The following CHD9 variants were observed in gnomAD, a reference collection of about 807,000 sequenced individuals.
CHD9 encodes ATP-dependent chromatin remodeler CHD9.
A neutral mutation model predicts 316.1 loss-of-function variants in CHD9; 77 were observed. The observed-to-expected ratio is 0.24, with a 90% CI of 0.20 to 0.29. The LOEUF is 0.29. CHD9 is among the 10% of genes least tolerant of loss of function. CHD9 has a pLI of 1.00. For missense variants in CHD9, 2,763 were observed against 3,438.1 expected, an observed-to-expected ratio of 0.80 and a Z score of 4.91; for synonymous variants, 1,129 against 1,158.3, an observed-to-expected ratio of 0.97 and a Z score of 0.51.
At chr16:53,067,927 C>T (rs909227532) in intron 1 of CHD9, among the ~76,000 whole-genome samples, 1 of 151,940 alleles carries the variant, frequency 6.6e-6, no homozygotes, top group African/African-American at 2.4e-5. Flanking sequence ...GGCATGGTGG[C>T]ATGTGCCTGT....
chr16:53,169,882 C>G (rs1399159975), intron 2 of CHD9, among the ~76,000 whole-genome samples: 1 of 152,128 alleles, frequency 6.6e-6, no homozygotes, highest in Admixed American at 6.5e-5. Flanking sequence ...AAGGGTCAGG[C>G]ATTACATTTA....
rs1252392967 is a variant in CHD9 at position 53,156,325 on chromosome 16, T to G, written c.236T>G (p.Phe79Cys). ...TTAAATCAATTTGATTCAATAAAAT[T>G]TCACCATGTTAATCAATCTTTTGGT... Reference protein sequence around the residue: ...EQLNQFDSIKFHHVNQSFGSP... With the variant: ...EQLNQFDSIKCHHVNQSFGSP... The change falls in exon 2 of 39, where the codon TTT (phenylalanine) becomes TGT (cysteine). Residue 79 changes from phenylalanine to cysteine, a missense_variant. Physicochemically the swap from Phe to Cys is radical, Grantham distance 205. Transcript: ENST00000447540. The G allele has an allele frequency of 6.2e-7, 1 of 1,613,894 alleles. No individual in the cohort carries two copies. The highest frequency in any genetic ancestry group is 8.5e-7 in the Non-Finnish European group (1 of 1,179,890).
Position 53,113,802 on chromosome 16 carries a change from C to T in CHD9, c.-164-42124C>T, listed in dbSNP as rs113730958. 6.4e-3 allele frequency among the ~76,000 whole-genome samples: 974 copies of T among 152,100 alleles called. 9 individuals carry two copies. Among genetic ancestry groups the T allele is most frequent in the African/African-American group, 0.022 (915 of 41,484 alleles). ...TGCAGCCTCAAACTGAACTCCTAGG[C>T]GTAAGCGATTCTCTCACCTCAGCCT... On this transcript the variant is annotated intron_variant, in intron 1 of 38. Coordinates refer to ENST00000447540, the MANE Select transcript of CHD9 (RefSeq NM_001308319.2).
At chr16:53,260,266 G>C (rs934128842) in intron 19 of CHD9, among the ~76,000 whole-genome samples, 9 of 152,146 alleles carry the variant, frequency 5.9e-5, no homozygotes, top group African/African-American at 2.2e-4. Flanking sequence ...ATCACTTGAG[G>C]CTGGAAGTTC....
chr16:53,189,493 C>T (rs1441955040), intron 2 of CHD9, among the ~76,000 whole-genome samples: 4 of 151,632 alleles, frequency 2.6e-5, no homozygotes, highest in Non-Finnish European at 4.4e-5. Flanking sequence ...CCTTGCACTC[C>T]TAAAATAAAT....
intron 2 of CHD9, among the ~76,000 whole-genome samples, chr16:53,172,328 T>C (rs2042820753): frequency 1.3e-5 from 2 of 152,166 alleles, no homozygotes; most frequent in Admixed American, 1.3e-4. Context: ...CACAATTATT[T>C]TGAGGTTCAC....
intron 34 of CHD9, among the ~76,000 whole-genome samples, chr16:53,309,205 T>C (rs1005594592): frequency 3.3e-5 from 5 of 152,170 alleles, no homozygotes; most frequent in Admixed American, 2.6e-4. Context: ...ACTTTAGAGA[T>C]TGTACAGTCC....
chr16:53,176,994 C>T lies in CHD9; in HGVS notation c.1452+19453C>T, dbSNP rs762126204. ...TTTTTGAGACAGAGTCTCACTTTGT[C>T]GCCCAGGCTGGAGTGCAGAGGCGCC... On this transcript the variant is annotated intron_variant, in intron 2 of 38. Transcript: ENST00000447540. 8.9e-4 allele frequency among the ~76,000 whole-genome samples: 135 copies of T among 152,230 alleles called. 1 individual carries two copies. Among genetic ancestry groups the T allele is most frequent in the Middle Eastern group, 3.4e-3 (1 of 294 alleles).
At chr16:53,152,599 TAAAG>T (rs1288687438) in intron 1 of CHD9, among the ~76,000 whole-genome samples, 2 of 152,158 alleles carry the variant, frequency 1.3e-5, no homozygotes, top group African/African-American at 2.4e-5. Flanking sequence ...GTGAGTGACA[TAAAG>T]AGTCATTGGA....
chr16:53,234,179 A>G (rs1012294274), intron 10 of CHD9, among the ~76,000 whole-genome samples: 2 of 152,202 alleles, frequency 1.3e-5, no homozygotes, highest in African/African-American at 4.8e-5. Context: ...TGTTGCCACA[A>G]TGTTTGCACA....
At chr16:53,076,829 AATGT>A (rs1475193231) in intron 1 of CHD9, among the ~76,000 whole-genome samples, 2 of 82,748 alleles carry the variant, frequency 2.4e-5, no homozygotes, top group African/African-American at 1.1e-4. Context: ...TAATTTAAAA[AATGT>A]ATTTATTTAT....
chr16:53,285,449 A>G (rs1597820069), intron 24 of CHD9, 147 bp from the exon 25 acceptor site: 1 of 418,158 alleles, frequency 2.4e-6, no homozygotes, highest in East Asian at 3.6e-5. Context: ...CGTAATTTTA[A>G]TTGGTGGCAA....
At chr16:53,063,593 C>T (rs920908325) in intron 1 of CHD9, among the ~76,000 whole-genome samples, 4 of 151,784 alleles carry the variant, frequency 2.6e-5, no homozygotes, top group African/African-American at 7.3e-5. Context: ...AGTGCAGTGG[C>T]GCAATCTTGG....
intron 1 of CHD9, among the ~76,000 whole-genome samples, chr16:53,068,084 A>G (rs899380445): frequency 3.3e-5 from 5 of 152,124 alleles, no homozygotes; most frequent in Non-Finnish European, 7.3e-5. Flanking sequence ...TTTGAAACCC[A>G]TGTAGGCCTG....
chr16:53,238,345 G>T lies in CHD9; in HGVS notation c.2636G>T (p.Arg879Leu). The T allele has an allele frequency of 6.2e-7, 1 of 1,609,268 alleles. No individual in the cohort carries two copies. Among genetic ancestry groups the T allele is most frequent in the Non-Finnish European group, 8.5e-7 (1 of 1,177,000 alleles). Reference protein sequence around the residue: ...NWLLFNWYNRRNCILADEMGL... With the variant: ...NWLLFNWYNRLNCILADEMGL... Reference sequence around the variant, plus strand: ...GATAATGTATTTGTTTATTTCAGACGAAACTGCATCTTAGCAGATGAAATG... The same window carrying T: ...GATAATGTATTTGTTTATTTCAGACTAAACTGCATCTTAGCAGATGAAATG... The change falls in exon 12 of 39, where the codon CGA (arginine) becomes CTA (leucine). Residue 879 changes from arginine (R) to leucine (L), a missense_variant and splice_region_variant. Coordinates refer to ENST00000447540, the MANE Select transcript of CHD9 (RefSeq NM_001308319.2).
At chr16:53,219,320 G>T (rs1021445018) in intron 3 of CHD9, among the ~76,000 whole-genome samples, 1 of 152,170 alleles carries the variant, frequency 6.6e-6, no homozygotes, top group African/African-American at 2.4e-5. Context: ...GAAAAAATCT[G>T]AAATAGAGAT....
chr16:53,287,333 G>A (rs931264490), intron 26 of CHD9, among the ~76,000 whole-genome samples: 12 of 152,166 alleles, frequency 7.9e-5, no homozygotes, highest in Admixed American at 2.0e-4. Context: ...CACACATAAC[G>A]AAAGGCCAAC....
intron 2 of CHD9, among the ~76,000 whole-genome samples, chr16:53,162,138 A>G (rs1049645028): frequency 1.3e-5 from 2 of 152,198 alleles, no homozygotes; most frequent in Non-Finnish European, 1.5e-5. Flanking sequence ...CTATGTGTCA[A>G]TTGTTAACAA....
rs1415753213 is a variant in CHD9 at position 53,203,896 on chromosome 16, C to T, written c.1453-5586C>T. Among the ~76,000 whole-genome samples, 4 of 150,714 alleles carry T rather than the reference C, an allele frequency of 2.7e-5. 1 individual carries two copies. In the East Asian group the frequency reaches 7.8e-4, roughly 29 times the overall value. On this transcript the variant is annotated intron_variant, in intron 2 of 38. Coordinates refer to ENST00000447540, the MANE Select transcript of CHD9 (RefSeq NM_001308319.2). ...AAAATTAGCCGGGCGTGGTGGCGGG[C>T]GCCTGTAGTCCCAGCTACTCGTGAG...
Sources: gnomAD v4.1 joint callset for allele counts (sites outside exome capture counted in the v4.1 genomes callset) on GRCh38, gnomAD v4.1.1 for gene constraint, MANE v1.5 for transcripts, NCBI Gene and HGNC (gene_info 2026-07-23, HGNC 2026-07-21) for gene names.